Variants in ANO6 observed in about 807,000 individuals in gnomAD.
ANO6 encodes anoctamin-6.
A neutral mutation model predicts 117.5 loss-of-function variants in ANO6; 106 were observed. The ratio of observed to expected loss-of-function variants is 0.90; its 90% CI spans 0.77 to 1.06. The LOEUF is 1.06. ANO6 is among the 50% of genes least tolerant of loss of function. ANO6 has a pLI of 0.00. For missense variants in ANO6, 955 were observed against 1,121.1 expected (o/e 0.85, Z 2.12); for synonymous variants, 367 against 385.1 (o/e 0.95, Z 0.55).
intron 2 of ANO6, among the ~76,000 whole-genome samples, chr12:45,322,063 G>T (rs185383867): frequency 6.6e-6 from 1 of 152,136 alleles, no homozygotes; most frequent in East Asian, 1.9e-4. Context: ...CATGACTTTT[G>T]CACCATCATT....
intron 1 of ANO6, among the ~76,000 whole-genome samples, chr12:45,277,390 C>A (rs1938588710): frequency 6.6e-6 from 1 of 152,174 alleles, no homozygotes; most frequent in Admixed American, 6.5e-5. Flanking sequence ...ATCAGCCATG[C>A]ATGGAATCCT....
Position 45,283,714 on chromosome 12 carries a change from A to G in ANO6, c.71-18300A>G, listed in dbSNP as rs371941743. ...CTTAGTGAACCCAGTAGGTAAAGTC[A>G]GACAGGACTCGTAGTCTAAGCATTT... On this transcript the variant is annotated intron_variant, in intron 1 of 19. Transcript: ENST00000320560. Among the ~76,000 whole-genome samples the G allele has an allele frequency of 4.6e-5, 7 of 152,336 alleles. No individual in the cohort carries two copies. In the East Asian group the frequency reaches 1.3e-3, roughly 29 times the overall value.
At chr12:45,272,220 G>A (rs1400247907) in intron 1 of ANO6, among the ~76,000 whole-genome samples, 1 of 146,986 alleles carries the variant, frequency 6.8e-6, no homozygotes. Flanking sequence ...TTGCTGCTAT[G>A]TAGGTGAAAA....
At position 45,431,482 on chromosome 12, in the gene ANO6, C is replaced by A. The variant is rs1943631323; in HGVS notation, c.*2171C>A. The A allele has an allele frequency of 4.1e-6, 4 of 985,330 alleles. No homozygotes were observed. Among genetic ancestry groups the A allele is most frequent in the Non-Finnish European group, 4.8e-6 (4 of 829,922 alleles). 61.0% of individuals were successfully genotyped at this position (985,330 alleles called of 1,614,324 possible). A position where few individuals can be genotyped will look rare whatever the true frequency, so the allele number is the denominator to read the frequency against. On this transcript the variant is annotated 3_prime_UTR_variant, in exon 20 of 20. Transcript: ENST00000320560. ...GAAATGTGCATTTGTTTTCATAGCC[C>A]CAGCAGAGAAAATCCTCTTCATAGA...
chr12:45,301,864 ATATAT>A (rs1227062342), intron 1 of ANO6, 145 bp from the exon 2 acceptor site: 2 of 682,826 alleles, frequency 2.9e-6, no homozygotes, highest in Non-Finnish European at 5.1e-6. Flanking sequence ...ATATTTTTTA[ATATAT>A]CTGATAGCTG....
Position 45,354,773 on chromosome 12 carries a change from C to G in ANO6, c.864-2517C>G, listed in dbSNP as rs146783255. ...AGCAGGGAGGAAAAAGTAATTATAG[C>G]AGTGACTTGATTCAGCTGTGAATAG... On this transcript the variant is annotated intron_variant, in intron 7 of 19. Transcript: ENST00000320560. Among the ~76,000 whole-genome samples the G allele has an allele frequency of 5.0e-4, 76 of 152,282 alleles. 1 individual carries two copies. In the East Asian group the frequency reaches 0.014, roughly 28 times the overall value.
chr12:45,230,370 G>A (rs1947556560), intron 1 of ANO6, among the ~76,000 whole-genome samples: 1 of 151,236 alleles, frequency 6.6e-6, no homozygotes, highest in Admixed American at 6.6e-5. Context: ...GAAAAATGTA[G>A]GGATAATACA....
At chr12:45,345,112 C>T (rs746166880) in intron 3 of ANO6, among the ~76,000 whole-genome samples, 5 of 152,122 alleles carry the variant, frequency 3.3e-5, no homozygotes, top group Non-Finnish European at 7.4e-5. Flanking sequence ...AAATTGCAGC[C>T]AATAGTTAAA....
intron 11 of ANO6, 51 bp downstream of exon 11, chr12:45,388,354 C>T (rs755203919): frequency 1.2e-6 from 2 of 1,609,438 alleles, no homozygotes; most frequent in Non-Finnish European, 1.7e-6. Flanking sequence ...TGCTGTGGTT[C>T]TCCTCCTTGG....
At chr12:45,298,724 A>G (rs1328792825) in intron 1 of ANO6, among the ~76,000 whole-genome samples, 3 of 152,216 alleles carry the variant, frequency 2.0e-5, no homozygotes, top group Non-Finnish European at 4.4e-5. Context: ...AAAACTATAA[A>G]TAGTTCTAAT....
At chr12:45,249,901 A>G (rs1947877310) in intron 1 of ANO6, among the ~76,000 whole-genome samples, 1 of 152,194 alleles carries the variant, frequency 6.6e-6, no homozygotes, top group African/African-American at 2.4e-5. Context: ...TGAACACAGT[A>G]TCCAAAAGAC....
intron 12 of ANO6, among the ~76,000 whole-genome samples, chr12:45,391,813 T>C (rs962396923): frequency 1.3e-5 from 2 of 152,136 alleles, no homozygotes; most frequent in African/African-American, 4.8e-5. Flanking sequence ...GAGCCGAGAC[T>C]GCACCACTGC....
intron 8 of ANO6, among the ~76,000 whole-genome samples, chr12:45,365,015 G>A (rs936522166): frequency 1.3e-4 from 20 of 152,020 alleles, no homozygotes; most frequent in Non-Finnish European, 2.5e-4. Flanking sequence ...TTTGTCATGT[G>A]TGACCACTTA....
chr12:45,421,093 C>T lies in ANO6; in HGVS notation c.2240C>T (p.Ser747Leu), dbSNP rs1022872752. The change falls in exon 18 of 20, where the codon TCG becomes TTG. Residue 747 changes from serine to leucine, a missense_variant. Coordinates refer to ENST00000320560, the MANE Select transcript of ANO6 (RefSeq NM_001025356.3). Reference sequence around the variant, plus strand: ...TAGGCCATGATCATAGCTTTCACGTCGGACATGATCCCCCGCCTAGTGTAC... The same window carrying T: ...TAGGCCATGATCATAGCTTTCACGTTGGACATGATCCCCCGCCTAGTGTAC... ...VTNAMIIAFT[S>L]DMIPRLVYYW... 2.5e-6 allele frequency: 4 copies of T among 1,614,074 alleles called. No individual in the cohort carries two copies. Among genetic ancestry groups the T allele is most frequent in the Non-Finnish European group, 3.4e-6 (4 of 1,180,016 alleles).
At chr12:45,224,677 G>T (rs1565629980) in intron 1 of ANO6, among the ~76,000 whole-genome samples, 1 of 152,110 alleles carries the variant, frequency 6.6e-6, no homozygotes, top group Non-Finnish European at 1.5e-5. Flanking sequence ...AGCTCTAAAA[G>T]AATAAGAGTT....
chr12:45,382,482 T>C (rs771147086), intron 10 of ANO6, among the ~76,000 whole-genome samples: 6 of 152,174 alleles, frequency 3.9e-5, no homozygotes, highest in Non-Finnish European at 4.4e-5. Flanking sequence ...GATAATTCCT[T>C]CAGCATGTTG....
chr12:45,320,250 G>T (rs1263481899), intron 2 of ANO6, among the ~76,000 whole-genome samples: 4 of 151,826 alleles, frequency 2.6e-5, no homozygotes, highest in Admixed American at 6.6e-5. Context: ...TCTCTTGTGG[G>T]CATTTAGTGC....
intron 3 of ANO6, among the ~76,000 whole-genome samples, chr12:45,344,170 G>A (rs1941063677): frequency 6.6e-6 from 1 of 152,116 alleles, no homozygotes; most frequent in Non-Finnish European, 1.5e-5. Context: ...TTAGGTCACT[G>A]GATGCTAAGT....
chr12:45,403,400 A>G (rs1223597590), intron 14 of ANO6, 39 bp from the exon 15 acceptor site: 1 of 1,563,604 alleles, frequency 6.4e-7, no homozygotes, highest in Non-Finnish European at 8.8e-7. Flanking sequence ...AGTTAGATCC[A>G]TTGAATATTT....
Sources: allele counts gnomAD v4.1 joint callset (sites outside exome capture counted in the v4.1 genomes callset), GRCh38; gene constraint gnomAD v4.1.1; transcripts MANE v1.5; gene names NCBI Gene and HGNC (gene_info 2026-07-23, HGNC 2026-07-21).